Variants in VAV3 observed in about 807,000 individuals in gnomAD.
VAV3 encodes the protein guanine nucleotide exchange factor VAV3.
Under a neutral mutation model 131.2 loss-of-function variants are expected in VAV3, and 94 were observed. The observed-to-expected ratio is 0.72, with a 90% CI of 0.61 to 0.85. VAV3 has a LOEUF of 0.85. Among genes scored for constraint, VAV3 ranks in the 40% least tolerant of loss-of-function variants. The pLI is 0.00. For missense variants in VAV3, 939 were observed against 1,002.7 expected (o/e 0.94, Z 0.86); for synonymous variants, 349 against 342.0 (o/e 1.02, Z -0.22).
rs569310850 is a variant in VAV3, at chr1:107,770,877, C to T, written c.556-149G>A. 6.4e-4 allele frequency: 385 copies of T among 598,064 alleles called. 4 individuals carry two copies. The African/African-American group carries it at 6.8e-3, about 11-fold the overall frequency. The allele number at this position is 598,064 out of a possible 1,614,324, so 37.0% of individuals were successfully genotyped here. A position where few individuals can be genotyped will look rare whatever the true frequency, so the allele number is the denominator to read the frequency against. ...AAGACATCTAACTGCATTTGTGAGGCATCTTTGCTGTTTTTATAAAAATCG... is the reference window on the plus strand; with the variant it reads ...AAGACATCTAACTGCATTTGTGAGGTATCTTTGCTGTTTTTATAAAAATCG... On this transcript the variant is annotated intron_variant, in intron 5 of 26. Coordinates refer to ENST00000370056, the MANE Select transcript of VAV3 (RefSeq NM_006113.5).
chr1:107,602,919 TGGATAG>T, intron 23 of VAV3, 122 bp downstream of exon 23: 1 of 695,218 alleles, frequency 1.4e-6, no homozygotes, highest in Non-Finnish European at 2.5e-6. Flanking sequence ...ATGAACTGTC[TGGATAG>T]ATGCATTATT....
chr1:107,611,596 C>CAAAAAAAA (rs66982121), intron 21 of VAV3, among the ~76,000 whole-genome samples: 1 of 119,956 alleles, frequency 8.3e-6, no homozygotes, highest in Non-Finnish European at 1.8e-5. Context: ...CATAGAGAAC[C>CAAAAAAAA]AAAAAAAAAA....
chr1:107,642,597 C>T (rs1374698925), intron 20 of VAV3, 22 bp downstream of exon 20: 1 of 1,610,250 alleles, frequency 6.2e-7, no homozygotes, highest in Non-Finnish European at 8.5e-7. Context: ...GCATCAGGAC[C>T]CCTTTCCTGC....
intron 2 of VAV3, among the ~76,000 whole-genome samples, chr1:107,806,710 T>C (rs966505155): frequency 6.6e-6 from 1 of 152,132 alleles, no homozygotes; most frequent in Non-Finnish European, 1.5e-5. Context: ...AAACCTAACA[T>C]AACCACAAAT....
intron 19 of VAV3, among the ~76,000 whole-genome samples, chr1:107,669,888 C>T (rs1019088617): frequency 6.6e-6 from 1 of 152,186 alleles, no homozygotes; most frequent in Non-Finnish European, 1.5e-5. Flanking sequence ...ATCAATACTA[C>T]ACACTGATCA....
At chr1:107,583,777 C>T (rs1650264958) in intron 25 of VAV3, among the ~76,000 whole-genome samples, 1 of 152,170 alleles carries the variant, frequency 6.6e-6, no homozygotes, top group African/African-American at 2.4e-5. Flanking sequence ...AATGGAAGAA[C>T]ATTCCATGTT....
At chr1:107,649,113 T>G (rs1160180663) in intron 19 of VAV3, among the ~76,000 whole-genome samples, 3 of 152,052 alleles carry the variant, frequency 2.0e-5, no homozygotes, top group Admixed American at 6.6e-5. Context: ...GTAGAACTCT[T>G]AGAGCCTGAC....
chr1:107,635,724 C>T (rs1355844496), intron 20 of VAV3, among the ~76,000 whole-genome samples: 1 of 152,152 alleles, frequency 6.6e-6, no homozygotes, highest in African/African-American at 2.4e-5. Context: ...AGCATAAAGA[C>T]AGCCACCATC....
intron 12 of VAV3, among the ~76,000 whole-genome samples, chr1:107,752,191 T>C (rs1315308670): frequency 6.6e-6 from 1 of 152,178 alleles, no homozygotes. Context: ...AGTCCTCACA[T>C]ATATGGTCAA....
chr1:107,916,554 C>T (rs1305371537), intron 1 of VAV3, among the ~76,000 whole-genome samples: 1 of 152,110 alleles, frequency 6.6e-6, no homozygotes, highest in African/African-American at 2.4e-5. Flanking sequence ...TTTAAAATAC[C>T]TATCAAGTAA....
intron 19 of VAV3, among the ~76,000 whole-genome samples, chr1:107,667,597 TAC>T (rs530296068): frequency 1.2e-4 from 18 of 151,630 alleles, no homozygotes; most frequent in Middle Eastern, 3.2e-3. Flanking sequence ...AGGATTATTA[TAC>T]ACACACACAC....
chr1:107,858,506 C>T (rs191995105), intron 2 of VAV3, among the ~76,000 whole-genome samples: 80 of 152,256 alleles, frequency 5.3e-4, no homozygotes, highest in Admixed American at 5.2e-3. Context: ...AGGAGGTGAG[C>T]AGTGCGTGAG....
At chr1:107,857,426 T>C (rs946135708) in intron 2 of VAV3, among the ~76,000 whole-genome samples, 4 of 152,204 alleles carry the variant, frequency 2.6e-5, no homozygotes, top group African/African-American at 9.6e-5. Flanking sequence ...ATATATGATA[T>C]ATATTCTATT....
intron 25 of VAV3, among the ~76,000 whole-genome samples, chr1:107,579,759 T>C (rs1199585853): frequency 3.9e-5 from 6 of 152,200 alleles, no homozygotes; most frequent in Admixed American, 6.5e-5. Flanking sequence ...CTGAATTCCA[T>C]GACAATTCAT....
chr1:107,733,867 T>C (rs1441351926), intron 15 of VAV3, among the ~76,000 whole-genome samples: 2 of 151,760 alleles, frequency 1.3e-5, no homozygotes, highest in African/African-American at 2.4e-5. Flanking sequence ...CAGGCCAACA[T>C]TCAAATTCAG....
chr1:107,925,764 A>T (rs1056998971), intron 1 of VAV3, among the ~76,000 whole-genome samples: 2 of 152,114 alleles, frequency 1.3e-5, no homozygotes, highest in Non-Finnish European at 2.9e-5. Context: ...TGTGGTGATG[A>T]TTGCACAACA....
At chr1:107,852,801 T>A (rs1483112437) in intron 2 of VAV3, among the ~76,000 whole-genome samples, 3 of 152,194 alleles carry the variant, frequency 2.0e-5, no homozygotes, top group Non-Finnish European at 1.5e-5. Flanking sequence ...TTTTAAGATT[T>A]TAGATAGACC....
chr1:107,740,010 G>C (rs551103702), intron 15 of VAV3, among the ~76,000 whole-genome samples: 38 of 152,326 alleles, frequency 2.5e-4, no homozygotes, highest in African/African-American at 8.9e-4. Context: ...TTCTTGGCTG[G>C]GCATGGTGGC....
intron 19 of VAV3, among the ~76,000 whole-genome samples, chr1:107,676,358 T>C (rs982246341): frequency 6.6e-6 from 1 of 152,208 alleles, no homozygotes; most frequent in Non-Finnish European, 1.5e-5. Flanking sequence ...GAGAGAAAGA[T>C]GTTCTATTTT....
Sources: gnomAD v4.1 joint callset for allele counts (sites outside exome capture counted in the v4.1 genomes callset) on GRCh38, gnomAD v4.1.1 for gene constraint, MANE v1.5 for transcripts, NCBI Gene and HGNC (gene_info 2026-07-23, HGNC 2026-07-21) for gene names.